Variants in CEP63 observed in about 807,000 individuals in gnomAD.
CEP63 encodes centrosomal protein of 63 kDa.
Under a neutral mutation model 89.1 loss-of-function variants are expected in CEP63, and 84 were observed. That is an observed-to-expected ratio of 0.94 (90% CI 0.79 to 1.13). The LOEUF (loss-of-function observed/expected upper bound fraction) is 1.13. Among genes scored for constraint, CEP63 ranks in the 50% most tolerant of loss-of-function variants. The pLI is 0.00. For missense variants in CEP63, 838 were observed against 813.3 expected (o/e 1.03, Z -0.37); for synonymous variants, 267 against 272.5 (o/e 0.98, Z 0.20).
At chr3:134,625,173 C>T in the CEP63 span, 1 of 1,529,350 alleles carries the variant, frequency 6.5e-7, no homozygotes, top group Non-Finnish European at 8.9e-7. Context: ...AGCTGAGACC[C>T]ACTGAAGAGG....
chr3:134,538,243 T>G (rs1327649619), intron 6 of CEP63, among the ~76,000 whole-genome samples: 2 of 146,158 alleles, frequency 1.4e-5, no homozygotes, highest in African/African-American at 5.0e-5. Context: ...TTAAAAATAA[T>G]CTGCATTTAT....
intron 5 of CEP63, chr3:134,536,315 A>T (rs534649817): frequency 1.3e-5 from 2 of 152,474 alleles, no homozygotes; most frequent in Non-Finnish European, 1.5e-5. Flanking sequence ...TACCTGGCAT[A>T]TATAGTAGAA....
At chr3:134,692,138 C>T in the CEP63 span, among the ~76,000 whole-genome samples, 2 of 151,628 alleles carry the variant, frequency 1.3e-5, no homozygotes, top group Non-Finnish European at 2.9e-5. Context: ...ACTTAAAGTT[C>T]TAGGGTACAT....
intron 2 of CEP63, among the ~76,000 whole-genome samples, chr3:134,506,445 T>C (rs1943469809): frequency 6.6e-6 from 1 of 152,200 alleles, no homozygotes; most frequent in Admixed American, 6.5e-5. Flanking sequence ...GTCTGGATCC[T>C]TCCTGAAAGC....
the CEP63 span, among the ~76,000 whole-genome samples, chr3:134,779,012 C>G: frequency 6.6e-6 from 1 of 152,008 alleles, no homozygotes; most frequent in African/African-American, 2.4e-5. Flanking sequence ...TCCAAAATGC[C>G]CTATACAGTA....
chr3:134,779,096 C>T, the CEP63 span, among the ~76,000 whole-genome samples: 3 of 152,140 alleles, frequency 2.0e-5, no homozygotes, highest in Non-Finnish European at 2.9e-5. Context: ...TGAACATTTG[C>T]TTTTACCAGC....
At chr3:134,713,416 C>T in the CEP63 span, among the ~76,000 whole-genome samples, 1 of 152,194 alleles carries the variant, frequency 6.6e-6, no homozygotes, top group Admixed American at 6.5e-5. Flanking sequence ...AAGAAATAAC[C>T]TCCCTTCTTA....
At chr3:134,578,479 C>T (rs1206195392), downstream of CEP63, among the ~76,000 whole-genome samples, 3 of 152,014 alleles carry the variant, frequency 2.0e-5, no homozygotes, top group Non-Finnish European at 2.9e-5. Context: ...TACAGGCATG[C>T]ACCACCATGC....
chr3:134,637,366 T>C, the CEP63 span, among the ~76,000 whole-genome samples: 3 of 152,244 alleles, frequency 2.0e-5, no homozygotes, highest in Admixed American at 6.5e-5. Flanking sequence ...CTGAGGTGTC[T>C]TTTAAAGTGA....
intron 6 of CEP63, among the ~76,000 whole-genome samples, chr3:134,543,961 T>TA (rs10718830): frequency 0.023 from 3,474 of 147,866 alleles, 144 homozygotes; most frequent in African/African-American, 0.081. Flanking sequence ...GGGATCTGGT[T>TA]AAAAAAAAAA....
At chr3:134,781,695 A>C in the CEP63 span, among the ~76,000 whole-genome samples, 20,889 of 152,256 alleles carry the variant, frequency 0.14, 1,523 homozygotes, top group Middle Eastern at 0.18. Flanking sequence ...ACTTATTCTT[A>C]TTTGTTGCTG....
chr3:134,577,730 C>T (rs1958248900), downstream of CEP63, among the ~76,000 whole-genome samples: 1 of 152,032 alleles, frequency 6.6e-6, no homozygotes, highest in Admixed American at 6.5e-5. Flanking sequence ...GTTTTAAGCC[C>T]CAAATGCATT....
the CEP63 span, chr3:134,779,798 C>T: frequency 0.62 from 94,030 of 152,058 alleles, 31,721 homozygotes; most frequent in East Asian, 0.87. Context: ...TTGGAAAGAA[C>T]TGATTACCTG....
chr3:134,734,934 C>T, the CEP63 span, among the ~76,000 whole-genome samples: 6 of 152,132 alleles, frequency 3.9e-5, no homozygotes, highest in South Asian at 8.3e-4. Flanking sequence ...ATCATTTTCC[C>T]GTATAACACT....
the CEP63 span, among the ~76,000 whole-genome samples, chr3:134,740,360 C>A: frequency 6.6e-6 from 1 of 151,720 alleles, no homozygotes; most frequent in East Asian, 1.9e-4. Context: ...TGCAGTGGTG[C>A]AATCTCAGCT....
intron 3 of CEP63, among the ~76,000 whole-genome samples, chr3:134,507,519 T>C (rs952705248): frequency 5.9e-5 from 9 of 152,166 alleles, no homozygotes; most frequent in African/African-American, 2.2e-4. Flanking sequence ...TATACATAAC[T>C]TCTTTAAGAA....
chr3:134,762,105 A>G, the CEP63 span, among the ~76,000 whole-genome samples: 4 of 152,166 alleles, frequency 2.6e-5, no homozygotes, highest in Admixed American at 6.5e-5. Flanking sequence ...AGACACATCA[A>G]TGCCAGCACA....
At chr3:134,559,047 A>G in intron 13 of CEP63, 103 bp from the exon 14 acceptor site, 1 of 1,169,814 alleles carries the variant, frequency 8.5e-7, no homozygotes, top group Non-Finnish European at 1.2e-6. Flanking sequence ...TGTAAATTGT[A>G]GCCTTATTAG....
At chr3:134,619,318 A>T in the CEP63 span, 20 of 1,346,330 alleles carry the variant, frequency 1.5e-5, no homozygotes, top group Non-Finnish European at 2.1e-5. Context: ...AGGCGAGAAG[A>T]CTCCACCCCA....
Sources: allele counts gnomAD v4.1 joint callset (sites outside exome capture counted in the v4.1 genomes callset), GRCh38; gene constraint gnomAD v4.1.1; transcripts MANE v1.5; gene names NCBI Gene and HGNC (gene_info 2026-07-23, HGNC 2026-07-21).